The following USP24 variants were observed in gnomAD, a reference collection of about 807,000 sequenced individuals.
USP24 encodes ubiquitin carboxyl-terminal hydrolase 24.
USP24 carries 97 observed loss-of-function variants against 361.6 expected under a neutral mutation model. The observed-to-expected ratio is 0.27, with a 90% CI of 0.23 to 0.32. The LOEUF is 0.32. Ranked by LOEUF, USP24 falls within the 10% of genes least tolerant of loss-of-function variation. The probability of loss-of-function intolerance (pLI) is 1.00; values close to 1 mark genes in which losing one functional copy is unlikely to be tolerated. For missense variants in USP24, 2,353 were observed against 3,165.6 expected, an observed-to-expected ratio of 0.74 and a Z score of 6.16; for synonymous variants, 1,098 against 1,124.6, an observed-to-expected ratio of 0.98 and a Z score of 0.47.
At chr1:55,131,891 G>A (rs1345688657) in intron 31 of USP24, among the ~76,000 whole-genome samples, 1 of 152,126 alleles carries the variant, frequency 6.6e-6, no homozygotes. Context: ...ACCAAGAGTG[G>A]TATGAGGGTC....
chr1:55,149,559 T>G (rs540701700), intron 16 of USP24, among the ~76,000 whole-genome samples: 36 of 152,316 alleles, frequency 2.4e-4, no homozygotes, highest in South Asian at 6.2e-4. Context: ...CCTTGCCTCA[T>G]AGGGATCAGC....
intron 55 of USP24, chr1:55,086,243 C>G: frequency 1.7e-6 from 1 of 589,918 alleles, no homozygotes; most frequent in Non-Finnish European, 3.0e-6. Flanking sequence ...AGCCAAGGCT[C>G]TGTTCAAAAT....
At chr1:55,077,426 T>C (rs55703807) in intron 61 of USP24, 126 bp from the exon 62 acceptor site, 18,868 of 650,712 alleles carry the variant, frequency 0.029, 333 homozygotes, top group Non-Finnish European at 0.034. Flanking sequence ...AATACTGCTT[T>C]CTAGGCCTTA....
In USP24 at chr1:55,078,571, C is replaced by T. The variant is rs1247936930; in HGVS notation, c.7281G>A (p.Glu2427=). Residue 2427 remains glutamate (E), a synonymous_variant, in exon 61 of 68, where the codon GAG becomes GAA. Coordinates refer to ENST00000294383, the MANE Select transcript of USP24 (RefSeq NM_015306.3). Reference sequence around the variant, plus strand: ...AATGCAGCATTGTGAAGGAAAAATGCTCATTACAGAAACAGCAGTACACTA... The same window carrying T: ...AATGCAGCATTGTGAAGGAAAAATGTTCATTACAGAAACAGCAGTACACTA... ...EMVVYCCFCN[E]HFSFTMLHFI... 14 of 1,611,746 alleles carry T rather than the reference C, an allele frequency of 8.7e-6. 1 individual carries two copies. Among genetic ancestry groups the T allele is most frequent in the Non-Finnish European group, 1.2e-5 (14 of 1,179,222 alleles).
chr1:55,107,790 T>C (rs1198023836), intron 39 of USP24, among the ~76,000 whole-genome samples: 1 of 120,916 alleles, frequency 8.3e-6, no homozygotes, highest in African/African-American at 3.1e-5. Flanking sequence ...TGCAGTGAGC[T>C]GAGATCACGC....
rs549013374 is a variant in USP24, at chr1:55,174,096, T to C, written c.559-1576A>G. ...TATCTTCTCTGCCTGAATACACTAG[T>C]AAAAATCCAGGCTAGCCTGAAGGTA... is the stretch of plus-strand genomic sequence containing the variant. On this transcript the variant is annotated intron_variant, in intron 3 of 67. Transcript: ENST00000294383. Among the ~76,000 whole-genome samples the C allele has an allele frequency of 2.4e-4, 37 of 152,326 alleles. 1 individual carries two copies. The highest frequency in any genetic ancestry group is 2.6e-4 in the Admixed American group (4 of 15,300).
rs573996714 is a variant in USP24 at position 55,085,766 on chromosome 1, G to T, written c.6765+176C>A. ...TGGCCTACCCTGGTGTTTGGGATGT[G>T]AGGAGGAAGGGACAGAATGCCTTCT... On this transcript the variant is annotated intron_variant, in intron 56 of 67. Coordinates refer to ENST00000294383, the MANE Select transcript of USP24 (RefSeq NM_015306.3). 1.7e-4 allele frequency among the ~76,000 whole-genome samples: 26 copies of T among 152,302 alleles called. No individual in the cohort carries two copies. The South Asian group carries it at 5.2e-3, about 30-fold the overall frequency.
chr1:55,144,348 A>T, intron 20 of USP24, 145 bp from the exon 21 acceptor site: 1 of 481,180 alleles, frequency 2.1e-6, no homozygotes, highest in Non-Finnish European at 3.6e-6. Flanking sequence ...AAGCAACAAA[A>T]GAAAATATTA....
intron 41 of USP24, among the ~76,000 whole-genome samples, chr1:55,104,454 T>C (rs1645719910): frequency 6.6e-6 from 1 of 152,208 alleles, no homozygotes; most frequent in African/African-American, 2.4e-5. Context: ...AAACATTTTA[T>C]GTGGACTTTC....
Position 55,079,757 on chromosome 1 carries a change from A to ACACACACTGAGTACTCTCACAGAGTACT in USP24, c.7079-126_7079-99dup, listed in dbSNP as rs1345956191. 63 of 1,174,378 alleles carry ACACACACTGAGTACTCTCACAGAGTACT rather than the reference A, an allele frequency of 5.4e-5. No homozygotes were observed. In the Middle Eastern group the frequency reaches 6.9e-4, roughly 13 times the overall value. 72.7% of individuals were successfully genotyped at this position (1,174,378 alleles called of 1,614,324 possible). On this transcript the variant is annotated intron_variant, in intron 59 of 67. Transcript: ENST00000294383. ...AAAATGTGCCTCCTTCAAGACTCGC[A>ACACACACTGAGTACTCTCACAGAGTACT]CACACACTGAGTACTCTCACAGAGT...
intron 31 of USP24, among the ~76,000 whole-genome samples, chr1:55,131,902 T>C (rs1646603922): frequency 1.3e-5 from 2 of 152,218 alleles, no homozygotes; most frequent in Non-Finnish European, 2.9e-5. Context: ...TATGAGGGTC[T>C]GACCTATTAC....
chr1:55,134,267 A>T (rs753419236), intron 29 of USP24, 61 bp downstream of exon 29: 278 of 1,570,966 alleles, frequency 1.8e-4, no homozygotes, highest in Non-Finnish European at 2.4e-4. Flanking sequence ...GTGAAAAGTT[A>T]CTTGGCTCCC....
At chr1:55,074,820 A>T (rs2100398809) in intron 63 of USP24, among the ~76,000 whole-genome samples, 1 of 152,286 alleles carries the variant, frequency 6.6e-6, no homozygotes, top group Non-Finnish European at 1.5e-5. Context: ...TTTTTAGCTT[A>T]AATCTTTTTT....
rs373726389 is a variant in USP24, at chr1:55,094,025, T to C, written c.6266A>G (p.Asn2089Ser). The change falls in exon 52 of 68, where the codon AAT becomes AGT. Residue 2089 changes from asparagine to serine, a missense_variant. By Grantham distance (46) the Asn-to-Ser change is conservative. Coordinates refer to ENST00000294383, the MANE Select transcript of USP24 (RefSeq NM_015306.3). ...CTTGGTAAGAATAGACAGCCGGTCA[T>C]TGTTCGGCCTATGGGGCCGAGGGGA... ...QSSPRPHRPN[N>S]DRLSILTKLV... 21 of 1,613,842 alleles carry C rather than the reference T, an allele frequency of 1.3e-5. No homozygotes were observed. Among genetic ancestry groups the C allele is most frequent in the Middle Eastern group, 1.6e-4 (1 of 6,062 alleles).
chr1:55,151,168 A>G (rs950423452), intron 16 of USP24, among the ~76,000 whole-genome samples: 12 of 121,860 alleles, frequency 9.8e-5, no homozygotes, highest in African/African-American at 2.5e-4. Context: ...CTCTATAACA[A>G]TGCTCTAAGT....
chr1:55,072,966 A>G (rs925254546), intron 64 of USP24, 105 bp from the exon 65 acceptor site: 4 of 1,113,332 alleles, frequency 3.6e-6, no homozygotes, highest in African/African-American at 1.6e-5. Context: ...AGTTGTCTTT[A>G]TATTTGTGAT....
intron 1 of USP24, among the ~76,000 whole-genome samples, chr1:55,201,997 T>C (rs567764486): frequency 6.6e-6 from 1 of 152,264 alleles, no homozygotes; most frequent in Admixed American, 6.5e-5. Flanking sequence ...AATAGCCCAC[T>C]ATGGCAAGAG....
intron 22 of USP24, 65 bp from the exon 23 acceptor site, chr1:55,142,860 A>G (rs1646928084): frequency 7.0e-7 from 1 of 1,425,720 alleles, no homozygotes. Context: ...ATTCAGGACA[A>G]AATATCAAAA....
At chr1:55,167,701 T>A (rs1215554832) in intron 5 of USP24, among the ~76,000 whole-genome samples, 1 of 151,944 alleles carries the variant, frequency 6.6e-6, no homozygotes, top group Non-Finnish European at 1.5e-5. Flanking sequence ...CCGAGAGAGG[T>A]CAAATGGAGA....
Sources: gnomAD v4.1 joint callset for allele counts (sites outside exome capture counted in the v4.1 genomes callset) on GRCh38, gnomAD v4.1.1 for gene constraint, MANE v1.5 for transcripts, NCBI Gene and HGNC (gene_info 2026-07-23, HGNC 2026-07-21) for gene names.